The following PPP2R2B variants were observed in gnomAD, a reference collection of about 807,000 sequenced individuals.
The protein encoded by PPP2R2B is serine/threonine-protein phosphatase 2A 55 kDa regulatory subunit B beta isoform.
In PPP2R2B, 5 loss-of-function variants were observed where a neutral mutation model predicts 46.0. The ratio of observed to expected loss-of-function variants is 0.11; its 90% CI spans 0.06 to 0.23. The LOEUF is 0.23. Among genes scored for constraint, PPP2R2B ranks in the 10% least tolerant of loss-of-function variants. The probability of loss-of-function intolerance (pLI) is 1.00; values close to 1 mark genes in which losing one functional copy is unlikely to be tolerated. For synonymous variants in PPP2R2B, 215 were observed against 206.7 expected, an observed-to-expected ratio of 1.04 and a Z score of -0.34; for missense variants, 367 against 575.0, an observed-to-expected ratio of 0.64 and a Z score of 3.70.
At chr5:147,074,009 CT>C (rs1757683049) in intron 2 of PPP2R2B, among the ~76,000 whole-genome samples, 1 of 149,864 alleles carries the variant, frequency 6.7e-6, no homozygotes, top group Non-Finnish European at 1.5e-5. Flanking sequence ...GCACTCCAGC[CT>C]GGGCGACATA....
intron 1 of PPP2R2B, among the ~76,000 whole-genome samples, chr5:146,913,285 C>G (rs1763258026): frequency 6.6e-6 from 1 of 152,152 alleles, no homozygotes; most frequent in Non-Finnish European, 1.5e-5. Context: ...AGGATTGATG[C>G]TTTGGAAGAG....
intron 1 of PPP2R2B, among the ~76,000 whole-genome samples, chr5:146,938,883 C>A (rs887751792): frequency 1.4e-5 from 2 of 147,226 alleles, no homozygotes; most frequent in Non-Finnish European, 3.0e-5. Context: ...CAGGTTCAAG[C>A]GATTCTCCTG....
intron 1 of PPP2R2B, among the ~76,000 whole-genome samples, chr5:146,908,914 G>C (rs1763090256): frequency 6.6e-6 from 1 of 152,028 alleles, no homozygotes; most frequent in Non-Finnish European, 1.5e-5. Flanking sequence ...TGATCCTCCT[G>C]AGTTGCCTCC....
intron 2 of PPP2R2B, among the ~76,000 whole-genome samples, chr5:146,704,796 T>A (rs946486211): frequency 1.3e-5 from 2 of 152,212 alleles, no homozygotes; most frequent in African/African-American, 2.4e-5. Flanking sequence ...ATACATAAAG[T>A]ATTATTTACC....
chr5:146,846,276 G>A (rs1235394228), intron 2 of PPP2R2B, among the ~76,000 whole-genome samples: 2 of 152,008 alleles, frequency 1.3e-5, no homozygotes, highest in African/African-American at 4.8e-5. Flanking sequence ...CTACTCAGGA[G>A]GCTGAGGCAG....
At chr5:146,813,745 A>C (rs963826253) in intron 2 of PPP2R2B, among the ~76,000 whole-genome samples, 24 of 152,194 alleles carry the variant, frequency 1.6e-4, no homozygotes, top group African/African-American at 5.5e-4. Flanking sequence ...CCTCCCAAAT[A>C]GCCGAATAAT....
At chr5:147,050,096 C>T (rs998969314) in intron 1 of PPP2R2B, among the ~76,000 whole-genome samples, 1 of 152,048 alleles carries the variant, frequency 6.6e-6, no homozygotes, top group Non-Finnish European at 1.5e-5. Context: ...GGGGAGATGA[C>T]CCAGCTTAAA....
chr5:146,619,536 C>A (rs1168048430), intron 7 of PPP2R2B, among the ~76,000 whole-genome samples: 1 of 152,174 alleles, frequency 6.6e-6, no homozygotes. Context: ...TGCAGCCATG[C>A]AGAAATGGGG....
chr5:146,711,801 G>A (rs1230589620), intron 2 of PPP2R2B, among the ~76,000 whole-genome samples: 1 of 152,210 alleles, frequency 6.6e-6, no homozygotes, highest in Non-Finnish European at 1.5e-5. Context: ...GAGGTAATGG[G>A]AGGTTGGGAT....
intron 2 of PPP2R2B, among the ~76,000 whole-genome samples, chr5:146,802,616 G>T (rs574378453): frequency 1.3e-5 from 2 of 152,246 alleles, no homozygotes; most frequent in South Asian, 4.1e-4. Context: ...AGAATCCCAG[G>T]CTCTGGGACC....
chr5:146,848,579 G>A (rs35337541), intron 2 of PPP2R2B, among the ~76,000 whole-genome samples: 6,977 of 152,176 alleles, frequency 0.046, 247 homozygotes, highest in Non-Finnish European at 0.071. Flanking sequence ...GAGATAAAGT[G>A]CCATTTCCAT....
At chr5:147,009,898 C>CACACACACACACACACAT (rs781463815) in intron 1 of PPP2R2B, among the ~76,000 whole-genome samples, 16 of 145,612 alleles carry the variant, frequency 1.1e-4, no homozygotes, top group African/African-American at 3.9e-4. Flanking sequence ...CACACACACA[C>CACACACACACACACACAT]ATATATATAT....
intron 1 of PPP2R2B, among the ~76,000 whole-genome samples, chr5:146,922,799 G>C (rs1763652366): frequency 6.6e-6 from 1 of 152,088 alleles, no homozygotes; most frequent in South Asian, 2.1e-4. Flanking sequence ...AAAATCAGAA[G>C]ACTCAGTTCA....
chr5:146,930,666 G>C (rs1000283465), intron 1 of PPP2R2B, among the ~76,000 whole-genome samples: 1 of 152,106 alleles, frequency 6.6e-6, no homozygotes, highest in African/African-American at 2.4e-5. Flanking sequence ...CAACTCAGAG[G>C]ATAAGGGAAT....
rs774749298 is a variant in PPP2R2B, at chr5:146,878,157, G to T, written c.-86C>A. The T allele has an allele frequency of 6.2e-7, 1 of 1,607,336 alleles. No homozygotes were observed. Among genetic ancestry groups the T allele is most frequent in the Admixed American group, 1.7e-5 (1 of 58,752 alleles). On this transcript the variant is annotated 5_prime_UTR_variant, in exon 2 of 10. Transcript: ENST00000394411. The surrounding 1 kb of genome is among the most constrained non-coding windows in gnomAD (Gnocchi z 4.5). Reference sequence around the variant, plus strand: ...CCCGCAGCCAGTCTCACAGGAGAGGGGGGCAGGGGAGCCAGTGGGACTGCA... The same window carrying T: ...CCCGCAGCCAGTCTCACAGGAGAGGTGGGCAGGGGAGCCAGTGGGACTGCA...
chr5:147,017,187 A>C (rs1348238340), intron 1 of PPP2R2B, among the ~76,000 whole-genome samples: 1 of 151,594 alleles, frequency 6.6e-6, no homozygotes, highest in African/African-American at 2.4e-5. Context: ...ATGGAGTCAA[A>C]AACTGTGGGC....
intron 2 of PPP2R2B, among the ~76,000 whole-genome samples, chr5:146,788,340 GA>G (rs375897009): frequency 0.017 from 2,369 of 138,656 alleles, 56 homozygotes; most frequent in African/African-American, 0.058. Context: ...CTGGTTTAAA[GA>G]AAAAAAAAAA....
chr5:147,024,517 C>T (rs1755440374), intron 1 of PPP2R2B, among the ~76,000 whole-genome samples: 1 of 151,958 alleles, frequency 6.6e-6, no homozygotes, highest in African/African-American at 2.4e-5. Flanking sequence ...TAAAAAAATA[C>T]ACATTTTTAA....
At chr5:146,600,018 G>A (rs770024075) in intron 8 of PPP2R2B, among the ~76,000 whole-genome samples, 9 of 152,188 alleles carry the variant, frequency 5.9e-5, no homozygotes, top group African/African-American at 9.7e-5. Context: ...CCACCAGATG[G>A]TAAGCTGCAT....
Sources: allele counts gnomAD v4.1 joint callset (sites outside exome capture counted in the v4.1 genomes callset), GRCh38; gene constraint gnomAD v4.1.1; non-coding constraint Gnocchi (gnomAD v3.1); transcripts MANE v1.5; gene names NCBI Gene and HGNC (gene_info 2026-07-23, HGNC 2026-07-21).